The following SPTBN1 variants were observed in gnomAD, a reference collection of about 807,000 sequenced individuals.
SPTBN1 encodes spectrin beta, non-erythrocytic 1.
SPTBN1 carries 32 observed loss-of-function variants against 266.4 expected under a neutral mutation model. The ratio of observed to expected loss-of-function variants is 0.12; its 90% CI spans 0.09 to 0.16. SPTBN1 has a LOEUF of 0.16. Among genes scored for constraint, SPTBN1 ranks in the 10% least tolerant of loss-of-function variants. The pLI is 1.00. For synonymous variants in SPTBN1, 1,336 were observed against 1,162.2 expected (o/e 1.15, Z -3.04); for missense variants, 2,296 against 3,067.1 (o/e 0.75, Z 5.94).
At chr2:54,490,629 T>C (rs963357715) in intron 1 of SPTBN1, among the ~76,000 whole-genome samples, 1 of 152,190 alleles carries the variant, frequency 6.6e-6, no homozygotes, top group Non-Finnish European at 1.5e-5. Context: ...TGCTTTATTG[T>C]ATTAAGTTGG....
Position 54,624,037 on chromosome 2 carries a change from G to T in SPTBN1, c.1182+441G>T, listed in dbSNP as rs573677168. Among the ~76,000 whole-genome samples the T allele has an allele frequency of 1.4e-4, 21 of 152,358 alleles. No homozygotes were observed. The South Asian group carries it at 4.3e-3, about 32-fold the overall frequency. ...AATCATCATGCCTATTATGCCTGCA[G>T]TTATAGAAATTCACAGCAGGCATTA... On this transcript the variant is annotated intron_variant, in intron 10 of 35. Transcript: ENST00000356805.
At position 54,649,426 on chromosome 2, in the gene SPTBN1, G is replaced by A; in HGVS notation, c.5203-189G>A. On this transcript the variant is annotated intron_variant, in intron 25 of 35. Transcript: ENST00000356805. This position sits in a 1 kb window ranked among gnomAD's most constrained non-coding sequence, Gnocchi z 6.7. ...GGAGGTGGAGGTAGTGCCTCACTCT[G>A]CTGCAGTGAGCAAGAAAGGAAACCC... is the stretch of plus-strand genomic sequence containing the variant. 2.0e-6 allele frequency: 2 copies of A among 1,020,442 alleles called. No homozygotes were observed. Among genetic ancestry groups the A allele is most frequent in the Non-Finnish European group, 2.8e-6 (2 of 717,676 alleles). The allele number at this position is 1,020,442 out of a possible 1,614,324, so 63.2% of individuals were successfully genotyped here.
At chr2:54,617,456 GATT>G in intron 5 of SPTBN1, 149 bp from the exon 6 acceptor site, 1 of 579,028 alleles carries the variant, frequency 1.7e-6, no homozygotes, top group Middle Eastern at 2.7e-4. Flanking sequence ...CGAGTTGACG[GATT>G]ATTTGTTCTG....
chr2:54,655,832 A>G, intron 28 of SPTBN1, 82 bp from the exon 29 acceptor site: 1 of 1,042,172 alleles, frequency 9.6e-7, no homozygotes, highest in Non-Finnish European at 1.4e-6. Context: ...CAGAAAATGT[A>G]TTTTTCTAGT....
chr2:54,546,560 A>C (rs1384747135), intron 2 of SPTBN1: 1 of 152,224 alleles, frequency 6.6e-6, no homozygotes, highest in Non-Finnish European at 1.5e-5. Flanking sequence ...ATGCTGACTG[A>C]AAAATAAAGT....
At chr2:54,608,927 A>C (rs770343598) in intron 3 of SPTBN1, among the ~76,000 whole-genome samples, 1 of 152,178 alleles carries the variant, frequency 6.6e-6, no homozygotes, top group Non-Finnish European at 1.5e-5. Flanking sequence ...AAAATGTTAG[A>C]AAAGGAAGAG....
chr2:54,660,961 T>TCAAA, intron 32 of SPTBN1: 1 of 985,410 alleles, frequency 1.0e-6, no homozygotes, highest in Non-Finnish European at 1.2e-6. Flanking sequence ...TTTTAATTTT[T>TCAAA]CAAACAAATG....
intron 1 of SPTBN1, 99 bp downstream of exon 1, chr2:54,456,617 C>T (rs544961353): frequency 3.3e-5 from 5 of 151,506 alleles, no homozygotes; most frequent in African/African-American, 9.7e-5. Context: ...GGCGCGGGCC[C>T]AGGGCCGGAG....
chr2:54,658,308 G>T (rs1039272539), intron 30 of SPTBN1, among the ~76,000 whole-genome samples: 1 of 152,102 alleles, frequency 6.6e-6, no homozygotes, highest in Non-Finnish European at 1.5e-5. Flanking sequence ...TTGATTGGTG[G>T]TGTTTGCTTT....
rs6751570 is a variant in SPTBN1, at chr2:54,622,544, A to G, written c.1064+57A>G. ...ATGGAAAGACACATCACTGTAGCCA[A>G]CAGATCCCTATGTTCTGATTTCTGT... On this transcript the variant is annotated intron_variant, in intron 9 of 35. Transcript: ENST00000356805. 4,370 of 1,570,974 alleles carry G rather than the reference A, an allele frequency of 2.8e-3. 106 individuals are homozygous for G. The African/African-American group carries it at 0.048, about 17-fold the overall frequency.
chr2:54,655,257 A>G (rs201763725), intron 28 of SPTBN1, 49 bp downstream of exon 28: 6 of 1,602,590 alleles, frequency 3.7e-6, no homozygotes, highest in Non-Finnish European at 5.1e-6. Flanking sequence ...AAGATGTAAA[A>G]TGACTTTGTT....
At chr2:54,571,667 A>G (rs562382118) in intron 2 of SPTBN1, among the ~76,000 whole-genome samples, 1 of 149,170 alleles carries the variant, frequency 6.7e-6, no homozygotes, top group South Asian at 2.1e-4. Context: ...CTCAGTGGGT[A>G]TTTGTGAACT....
chr2:54,588,988 G>A (rs1200513513), intron 2 of SPTBN1, among the ~76,000 whole-genome samples: 3 of 152,160 alleles, frequency 2.0e-5, no homozygotes, highest in Non-Finnish European at 4.4e-5. Flanking sequence ...GGTATGTGAT[G>A]TTTTAATATA....
At chr2:54,539,865 T>TATA (rs145862867) in intron 2 of SPTBN1, among the ~76,000 whole-genome samples, 1 of 151,554 alleles carries the variant, frequency 6.6e-6, no homozygotes, top group African/African-American at 2.4e-5. Context: ...TTGAAAACAT[T>TATA]ATGAGCTGAA....
At position 54,668,670 on chromosome 2, in the gene SPTBN1, A is replaced by G. The variant is rs1256705418; in HGVS notation, c.*101A>G. On this transcript the variant is annotated 3_prime_UTR_variant, in exon 36 of 36. Coordinates refer to ENST00000356805, the MANE Select transcript of SPTBN1 (RefSeq NM_003128.3). The stretch of plus-strand genomic sequence containing the variant: ...TTACTCTCTGTGCCTAATGTTCCTC[A>G]ATGTGGTTGATTTTTTTTTTTTTTT... 2.0e-6 allele frequency: 2 copies of G among 996,256 alleles called. No individual in the cohort carries two copies. The highest frequency in any genetic ancestry group is 2.8e-6 in the Non-Finnish European group (2 of 723,676). The allele number at this position is 996,256 out of a possible 1,614,324, so 61.7% of individuals were successfully genotyped here.
At chr2:54,617,107 T>C (rs974644955) in intron 5 of SPTBN1, among the ~76,000 whole-genome samples, 2 of 152,242 alleles carry the variant, frequency 1.3e-5, no homozygotes, top group African/African-American at 4.8e-5. Flanking sequence ...TGGGTAAGTT[T>C]CACACATAAA....
intron 3 of SPTBN1, among the ~76,000 whole-genome samples, chr2:54,604,070 C>G (rs1171320415): frequency 6.6e-6 from 1 of 152,172 alleles, no homozygotes; most frequent in Non-Finnish European, 1.5e-5. Flanking sequence ...AAATAAGTGA[C>G]CAGCAAGGCC....
At chr2:54,597,231 A>T (rs1207533340) in intron 2 of SPTBN1, among the ~76,000 whole-genome samples, 1 of 152,200 alleles carries the variant, frequency 6.6e-6, no homozygotes, top group Non-Finnish European at 1.5e-5. Context: ...AATGCACCTT[A>T]CATATTCTGC....
chr2:54,562,211 G>C (rs990625599), intron 2 of SPTBN1, among the ~76,000 whole-genome samples: 3 of 152,164 alleles, frequency 2.0e-5, no homozygotes, highest in African/African-American at 7.2e-5. Context: ...GCAGGTTCAT[G>C]ATAACCATCT....
Sources: allele counts gnomAD v4.1 joint callset (sites outside exome capture counted in the v4.1 genomes callset), GRCh38; gene constraint gnomAD v4.1.1; non-coding constraint Gnocchi (gnomAD v3.1); transcripts MANE v1.5; gene names NCBI Gene and HGNC (gene_info 2026-07-23, HGNC 2026-07-21).